RASSF8: variants seen among roughly 807,000 people sequenced by gnomAD.
The protein encoded by RASSF8 is Ras association domain family member 8, also known as ras association domain-containing protein 8.
A neutral mutation model predicts 48.5 loss-of-function variants in RASSF8; 22 were observed. The ratio of observed to expected loss-of-function variants is 0.45; its 90% CI spans 0.32 to 0.65. The LOEUF is 0.65. Ranked by LOEUF, RASSF8 falls within the 30% of genes least tolerant of loss-of-function variation. The pLI, the probability that RASSF8 is intolerant of heterozygous loss-of-function variation, is 0.03. For synonymous variants in RASSF8, 127 were observed against 171.5 expected, an observed-to-expected ratio of 0.74 and a Z score of 2.03; for missense variants, 418 against 489.2, an observed-to-expected ratio of 0.85 and a Z score of 1.37.
chr12:25,970,045 T>C (rs554888310), intron 1 of RASSF8, among the ~76,000 whole-genome samples: 1 of 152,084 alleles, frequency 6.6e-6, no homozygotes, highest in Non-Finnish European at 1.5e-5. Flanking sequence ...CTGATATTTT[T>C]TCTCAAAATG....
chr12:26,038,118 T>A (rs2055181), intron 2 of RASSF8, among the ~76,000 whole-genome samples: 137,662 of 152,160 alleles, frequency 0.9, 62,402 homozygotes, highest in East Asian at 0.99. Context: ...GTTGCACGTG[T>A]TGTGTATGCT....
intron 2 of RASSF8, among the ~76,000 whole-genome samples, chr12:26,053,835 A>G (rs552272242): frequency 1.2e-4 from 19 of 152,308 alleles, no homozygotes; most frequent in East Asian, 7.7e-4. Flanking sequence ...TGTTTTTAGG[A>G]TGACAAAAAG....
downstream of RASSF8, among the ~76,000 whole-genome samples, chr12:26,076,430 C>G (rs150180255): frequency 3.4e-3 from 519 of 152,236 alleles, 1 homozygote; most frequent in African/African-American, 0.011. Context: ...CCCACCCTAT[C>G]ACAGGCCCCA....
At chr12:26,063,857 G>A (rs768142275) in intron 3 of RASSF8, among the ~76,000 whole-genome samples, 2 of 151,784 alleles carry the variant, frequency 1.3e-5, no homozygotes, top group Non-Finnish European at 2.9e-5. Context: ...CATTGAGCTG[G>A]TTTTTTGTTT....
At position 26,040,410 on chromosome 12, in the gene RASSF8, G is replaced by A. The variant is rs1943238759; in HGVS notation, c.-108-14826G>A. Among the ~76,000 whole-genome samples, 3 of 152,310 alleles carry A rather than the reference G, an allele frequency of 2.0e-5. No homozygotes were observed. The South Asian group carries it at 6.2e-4, about 32-fold the overall frequency. ...TGAAGGTTACTGGGGGGTAATAGTG[G>A]CCGAGGGGAGTGGTGAAGTGGCATC... is the stretch of plus-strand genomic sequence containing the variant. On this transcript the variant is annotated intron_variant, in intron 2 of 5. Coordinates refer to ENST00000689635, the MANE Select transcript of RASSF8 (RefSeq NM_001394098.1).
chr12:25,977,767 C>T (rs767666759), intron 1 of RASSF8, among the ~76,000 whole-genome samples: 2 of 151,892 alleles, frequency 1.3e-5, no homozygotes, highest in Non-Finnish European at 2.9e-5. Context: ...GAGAACAACA[C>T]GGTTGTAAGG....
At position 26,055,394 on chromosome 12, in the gene RASSF8, C is replaced by T. The variant is rs1179755147; in HGVS notation, c.51C>T (p.Val17=). The T allele has an allele frequency of 1.9e-6, 3 of 1,613,984 alleles. No homozygotes were observed. In the East Asian group the frequency reaches 6.7e-5, roughly 36 times the overall value. Residue 17 remains valine (V), a synonymous_variant, in exon 3 of 6, where the codon GTC becomes GTT. Transcript: ENST00000689635. ...GAGTTCAGAGGATTGTTTGTGGAGT[C>T]ACTGAAGTCACAACTTGCCAGGAGG... ...VDGVQRIVCG[V]TEVTTCQEVV...
At chr12:26,059,932 C>T (rs1241730675) in intron 3 of RASSF8, among the ~76,000 whole-genome samples, 1 of 152,198 alleles carries the variant, frequency 6.6e-6, no homozygotes, top group Admixed American at 6.5e-5. Flanking sequence ...GAGTCTCACT[C>T]TGTCACCCAG....
chr12:25,982,189 A>C (rs1941760906), intron 1 of RASSF8, among the ~76,000 whole-genome samples: 1 of 152,206 alleles, frequency 6.6e-6, no homozygotes, highest in Admixed American at 6.5e-5. Flanking sequence ...TTGTGAATGA[A>C]AAAGTTTGAA....
In RASSF8 at chr12:26,014,911, A is replaced by T. The variant is rs569780392; in HGVS notation, c.-109+19781A>T. Among the ~76,000 whole-genome samples, 8 of 152,154 alleles carry T rather than the reference A, an allele frequency of 5.3e-5. No individual in the cohort carries two copies. In the South Asian group the frequency reaches 1.0e-3, roughly 20 times the overall value. ...CAGTGGAAAACAGCATTAAAAAAAA[A>T]ATATTCCATACAGGCTGGGCATGGT... On this transcript the variant is annotated intron_variant, in intron 2 of 5. Transcript: ENST00000689635.
At chr12:25,989,196 G>A (rs1397956268) in intron 1 of RASSF8, among the ~76,000 whole-genome samples, 2 of 152,148 alleles carry the variant, frequency 1.3e-5, no homozygotes, top group East Asian at 3.8e-4. Flanking sequence ...CCAACCATAT[G>A]TTTTCTCATA....
rs750863891 is a variant in RASSF8 at position 26,070,861 on chromosome 12, G to A, written c.*2043G>A. 31 of 984,356 alleles carry A rather than the reference G, an allele frequency of 3.1e-5. No individual in the cohort carries two copies. Among genetic ancestry groups the A allele is most frequent in the Admixed American group, 6.2e-5 (1 of 16,248 alleles). 61.0% of individuals were successfully genotyped at this position (984,356 alleles called of 1,614,324 possible). A position where few individuals can be genotyped will look rare whatever the true frequency, so the allele number is the denominator to read the frequency against. ...TTTCAGAGATGCCTTGGCATACCAC[G>A]AAAAACACTGTCAATATCCAACTCA... On this transcript the variant is annotated 3_prime_UTR_variant, in exon 6 of 6. Transcript: ENST00000689635.
chr12:26,058,557 CACACAG>C (rs1302472114), intron 3 of RASSF8, among the ~76,000 whole-genome samples: 5 of 151,060 alleles, frequency 3.3e-5, no homozygotes, highest in African/African-American at 7.3e-5. Context: ...CACACACACA[CACACAG>C]AGTGTATTCT....
At chr12:26,076,225 C>G (rs947540389), downstream of RASSF8, among the ~76,000 whole-genome samples, 1 of 151,850 alleles carries the variant, frequency 6.6e-6, no homozygotes, top group African/African-American at 2.4e-5. Context: ...CTACACCAAT[C>G]GTGACTGTGA....
chr12:26,067,523 C>T (rs1021190309), intron 4 of RASSF8, 46 bp from the exon 5 acceptor site: 15 of 1,528,516 alleles, frequency 9.8e-6, no homozygotes, highest in South Asian at 3.6e-5. Flanking sequence ...CTTGCACTGT[C>T]CAGTAGTGAA....
In RASSF8 at chr12:25,973,293, T is replaced by C. The variant is rs149694799; in HGVS notation, c.-203+14145T>C. ...GCCAGTTTGGCTAGACTGTGGGACA[T>C]ATGAAGGGGAATTGAGAAGATAAAT... On this transcript the variant is annotated intron_variant, in intron 1 of 5. Transcript: ENST00000689635. 6.1e-4 allele frequency among the ~76,000 whole-genome samples: 93 copies of C among 152,084 alleles called. 1 individual carries two copies. The highest frequency in any genetic ancestry group is 3.4e-3 in the Middle Eastern group (1 of 294).
intron 2 of RASSF8, among the ~76,000 whole-genome samples, chr12:26,014,109 G>T (rs1942590290): frequency 6.6e-6 from 1 of 152,180 alleles, no homozygotes; most frequent in Non-Finnish European, 1.5e-5. Context: ...GCAGGTATAG[G>T]CACAGCCAGC....
At chr12:26,035,398 AAATTATAT>A (rs200323471) in intron 2 of RASSF8, among the ~76,000 whole-genome samples, 2,273 of 144,410 alleles carry the variant, frequency 0.016, 17 homozygotes, top group Non-Finnish European at 0.023. Flanking sequence ...TAATTATATG[AAATTATAT>A]AATTATATAA....
intron 2 of RASSF8, among the ~76,000 whole-genome samples, chr12:26,049,519 C>T (rs1943444624): frequency 6.6e-6 from 1 of 152,206 alleles, no homozygotes; most frequent in Non-Finnish European, 1.5e-5. Flanking sequence ...GCATATTGTA[C>T]TCCCAAAAGA....
Sources: gnomAD v4.1 joint callset for allele counts (sites outside exome capture counted in the v4.1 genomes callset) on GRCh38, gnomAD v4.1.1 for gene constraint, MANE v1.5 for transcripts, NCBI Gene and HGNC (gene_info 2026-07-23, HGNC 2026-07-21) for gene names.